PHACTR3: variants seen among roughly 807,000 people sequenced by gnomAD.
PHACTR3 encodes the protein phosphatase and actin regulator 3, also known as protein phosphatase 1, regulatory subunit 123.
Under a neutral mutation model 66.8 loss-of-function variants are expected in PHACTR3, and 16 were observed. The observed-to-expected ratio is 0.24, with a 90% CI of 0.16 to 0.36. The LOEUF is 0.36. PHACTR3 is among the 10% of genes least tolerant of loss of function. The probability of loss-of-function intolerance (pLI) is 1.00; values close to 1 mark genes in which losing one functional copy is unlikely to be tolerated. For synonymous variants in PHACTR3, 323 were observed against 292.1 expected, an observed-to-expected ratio of 1.11 and a Z score of -1.08; for missense variants, 647 against 719.9, an observed-to-expected ratio of 0.90 and a Z score of 1.16.
At chr20:59,689,065 C>G (rs983787582) in intron 1 of PHACTR3, among the ~76,000 whole-genome samples, 2 of 152,206 alleles carry the variant, frequency 1.3e-5, no homozygotes, top group Admixed American at 1.3e-4. Context: ...TAGATACCCA[C>G]ACTATCTCAT....
rs75773128 is a variant in PHACTR3, at chr20:59,785,823, T to C, written c.1174+11333T>C. On this transcript the variant is annotated intron_variant, in intron 7 of 12. Transcript: ENST00000371015. ...GCGTGTGAGGTCCGATCCTTAAAGC[T>C]GCTTCATTTTGTTTTCCAGCAGCCC... Among the ~76,000 whole-genome samples, 251 of 151,460 alleles carry C rather than the reference T, an allele frequency of 1.7e-3. 7 individuals carry two copies. The East Asian group carries it at 0.042, about 25-fold the overall frequency.
chr20:59,789,738 C>T (rs967422003), intron 7 of PHACTR3, among the ~76,000 whole-genome samples: 1 of 152,230 alleles, frequency 6.6e-6, no homozygotes, highest in Non-Finnish European at 1.5e-5. Context: ...CAGGACTGTT[C>T]TCACACAGGG....
chr20:59,699,368 A>G (rs1337749686), intron 1 of PHACTR3, among the ~76,000 whole-genome samples: 1 of 152,120 alleles, frequency 6.6e-6, no homozygotes, highest in Non-Finnish European at 1.5e-5. Context: ...ATATGCTGAT[A>G]CCTCATTTAC....
chr20:59,708,336 G>T (rs2037789680), intron 1 of PHACTR3, among the ~76,000 whole-genome samples: 1 of 152,186 alleles, frequency 6.6e-6, no homozygotes. Context: ...GCTGCTTATG[G>T]AAGTTCTCTG....
intron 1 of PHACTR3, among the ~76,000 whole-genome samples, chr20:59,734,039 T>C (rs1038347987): frequency 5.3e-5 from 8 of 151,492 alleles, no homozygotes; most frequent in African/African-American, 1.9e-4. Flanking sequence ...TTGCTCCAGG[T>C]CCCTCAATGA....
intron 1 of PHACTR3, among the ~76,000 whole-genome samples, chr20:59,578,326 C>A (rs987109893): frequency 1.3e-5 from 2 of 152,186 alleles, no homozygotes; most frequent in African/African-American, 4.8e-5. Context: ...GCATGAGTAC[C>A]AGGTGTCCAG....
At chr20:59,805,205 C>G (rs1179387756) in intron 7 of PHACTR3, among the ~76,000 whole-genome samples, 3 of 152,190 alleles carry the variant, frequency 2.0e-5, no homozygotes, top group Admixed American at 6.5e-5. Context: ...TATAAACATT[C>G]CATTCCCTAA....
At chr20:59,773,508 GC>G in intron 6 of PHACTR3, 55 bp downstream of exon 6, 1 of 1,515,046 alleles carries the variant, frequency 6.6e-7, no homozygotes, top group Non-Finnish European at 8.8e-7. Context: ...TGCCTGGCCA[GC>G]CTCAGGCTGT....
intron 1 of PHACTR3, among the ~76,000 whole-genome samples, chr20:59,611,380 G>A (rs1337157287): frequency 6.6e-6 from 1 of 152,260 alleles, no homozygotes; most frequent in African/African-American, 2.4e-5. Context: ...GGGAGCGGGA[G>A]GAGGCGCAGC....
At chr20:59,730,242 G>T (rs959578891) in intron 1 of PHACTR3, among the ~76,000 whole-genome samples, 1 of 152,118 alleles carries the variant, frequency 6.6e-6, no homozygotes, top group Non-Finnish European at 1.5e-5. Context: ...AAAATAACAG[G>T]AAACCTAACA....
intron 1 of PHACTR3, among the ~76,000 whole-genome samples, chr20:59,669,873 A>G (rs1001491189): frequency 6.6e-5 from 10 of 152,182 alleles, no homozygotes; most frequent in Admixed American, 6.5e-4. Flanking sequence ...CCCATTCATC[A>G]ATTGAGGGAC....
intron 2 of PHACTR3, among the ~76,000 whole-genome samples, chr20:59,744,087 G>A (rs920774349): frequency 5.3e-5 from 8 of 152,216 alleles, no homozygotes; most frequent in Non-Finnish European, 8.8e-5. Context: ...CAGCCGTAAG[G>A]CACATAACGG....
At chr20:59,799,900 A>G (rs1471224152) in intron 7 of PHACTR3, among the ~76,000 whole-genome samples, 1 of 151,762 alleles carries the variant, frequency 6.6e-6, no homozygotes, top group Admixed American at 6.6e-5. Context: ...TTTCTTTTGG[A>G]TTGAGTGATT....
intron 1 of PHACTR3, among the ~76,000 whole-genome samples, chr20:59,617,549 T>C (rs2034073249): frequency 6.6e-6 from 1 of 152,230 alleles, no homozygotes; most frequent in Non-Finnish European, 1.5e-5. Flanking sequence ...CCAGTCATTT[T>C]TTTTTTTCTG....
In PHACTR3 at chr20:59,578,039, A is replaced by AGG. The variant is rs1344089786; in HGVS notation, c.109+424_109+425dup. ...TCGTATGGACAGCGCTGGCCACCCA[A>AGG]GGGAGGGCTCTGTGCTTGATCGCCC... On this transcript the variant is annotated intron_variant, in intron 1 of 12. Transcript: ENST00000359926. 3.9e-5 allele frequency among the ~76,000 whole-genome samples: 6 copies of AGG among 152,318 alleles called. No homozygotes were observed. The East Asian group carries it at 1.2e-3, about 29-fold the overall frequency.
At chr20:59,703,737 ACT>A (rs2037594086) in intron 1 of PHACTR3, among the ~76,000 whole-genome samples, 1 of 151,728 alleles carries the variant, frequency 6.6e-6, no homozygotes, top group South Asian at 2.1e-4. Context: ...CAGACTGGAA[ACT>A]CTGAGCAGTC....
intron 1 of PHACTR3, among the ~76,000 whole-genome samples, chr20:59,731,194 C>T (rs1186255069): frequency 6.6e-6 from 1 of 152,160 alleles, no homozygotes; most frequent in African/African-American, 2.4e-5. Flanking sequence ...TACTACAATA[C>T]TAAAGTCTCC....
At chr20:59,723,088 TTCTTTCTTTCTTTCTTTC>T (rs2038401263) in intron 1 of PHACTR3, among the ~76,000 whole-genome samples, 1 of 150,122 alleles carries the variant, frequency 6.7e-6, no homozygotes, top group African/African-American at 2.5e-5. Flanking sequence ...CTTTCTTTCT[TTCTTTCTTTCTTTCTTTC>T]TTTCTTTCTT....
At chr20:59,587,705 G>A (rs1332019503) in intron 1 of PHACTR3, among the ~76,000 whole-genome samples, 1 of 152,078 alleles carries the variant, frequency 6.6e-6, no homozygotes, top group Non-Finnish European at 1.5e-5. Context: ...CTGTAGGACT[G>A]AGGTCCCTAT....
Sources: allele counts gnomAD v4.1 joint callset (sites outside exome capture counted in the v4.1 genomes callset), GRCh38; gene constraint gnomAD v4.1.1; transcripts MANE v1.5; gene names NCBI Gene and HGNC (gene_info 2026-07-23, HGNC 2026-07-21).